Variants in SNX25 observed in about 807,000 individuals in gnomAD.
The protein encoded by SNX25 is sorting nexin 25.
In SNX25, 62 loss-of-function variants were observed where a neutral mutation model predicts 113.7. The ratio of observed to expected loss-of-function variants is 0.55; its 90% confidence interval spans 0.44 to 0.67. SNX25 has a LOEUF of 0.67. SNX25 is among the 30% of genes least tolerant of loss of function. The probability of loss-of-function intolerance (pLI) is 0.00; values close to 1 mark genes in which losing one functional copy is unlikely to be tolerated. For synonymous variants in SNX25, 421 were observed against 436.2 expected, an observed-to-expected ratio of 0.97 and a Z score of 0.43; for missense variants, 1,014 against 1,161.0, an observed-to-expected ratio of 0.87 and a Z score of 1.84.
chr4:185,358,093 C>G (rs975604843), intron 16 of SNX25, among the ~76,000 whole-genome samples: 1 of 152,184 alleles, frequency 6.6e-6, no homozygotes, highest in African/African-American at 2.4e-5. Flanking sequence ...GGTTCAGACT[C>G]TAAGCCAGAA....
rs138136210 is a variant in SNX25, at chr4:185,351,588, C to T, written c.2445C>T (p.Arg815=). The change falls in exon 14 of 19, where the codon CGC becomes CGT. Residue 815 remains arginine (R), a synonymous_variant. Transcript: ENST00000652585. ...SLSSFLERLP[R]DFFSHQEEET... ...CCTCATTTTTGGAAAGACTTCCTCG[C>T]GACTTCTTCTCCCACCAGGAGGTGA... 2,005 of 1,613,964 alleles carry T rather than the reference C, an allele frequency of 1.2e-3. 25 individuals are homozygous for T. The African/African-American group carries it at 0.023, about 19-fold the overall frequency.
chr4:185,251,237 C>T (rs561919111), intron 2 of SNX25, among the ~76,000 whole-genome samples: 8 of 152,230 alleles, frequency 5.3e-5, no homozygotes, highest in East Asian at 1.9e-4. Flanking sequence ...TCAAGTGATC[C>T]GCTTGCCTCG....
chr4:185,356,146 C>T (rs200743477), intron 15 of SNX25, among the ~76,000 whole-genome samples: 8 of 150,318 alleles, frequency 5.3e-5, no homozygotes, highest in Admixed American at 2.0e-4. Context: ...ATGGGGCTCG[C>T]GTGTGTGTGT....
At chr4:185,372,862 G>T, downstream of SNX25, 6 of 1,600,170 alleles carry the variant, frequency 3.7e-6, no homozygotes, top group Non-Finnish European at 5.1e-6. Context: ...TCACCTTTTG[G>T]AAAATGCAAC....
At chr4:185,272,074 G>A (rs2024641021) in intron 5 of SNX25, among the ~76,000 whole-genome samples, 1 of 152,212 alleles carries the variant, frequency 6.6e-6, no homozygotes, top group African/African-American at 2.4e-5. Context: ...AAGTGAAGAT[G>A]TGGTGGCTAT....
chr4:185,377,803 CTT>C, the SNX25 span: 1 of 303,190 alleles, frequency 3.3e-6, no homozygotes, highest in Non-Finnish European at 6.0e-6. Context: ...GCATTGTTCT[CTT>C]TAACAAACGT....
intron 13 of SNX25, among the ~76,000 whole-genome samples, chr4:185,347,857 C>G (rs945084824): frequency 2.6e-5 from 4 of 152,204 alleles, no homozygotes; most frequent in Admixed American, 2.0e-4. Flanking sequence ...ATCTGAGTTC[C>G]TTGTCAGATC....
chr4:185,342,257 T>C (rs1200714423), intron 12 of SNX25, 141 bp downstream of exon 12: 1 of 997,916 alleles, frequency 1.0e-6, no homozygotes, highest in Non-Finnish European at 1.4e-6. Context: ...ATTTGGAAAT[T>C]TACTCATAGA....
intron 5 of SNX25, among the ~76,000 whole-genome samples, chr4:185,269,715 G>C (rs1387308491): frequency 6.6e-6 from 1 of 152,120 alleles, no homozygotes. Context: ...AAACAGAAAG[G>C]CATCAGAGTT....
chr4:185,273,326 G>T (rs905058394), intron 5 of SNX25, among the ~76,000 whole-genome samples: 1 of 152,150 alleles, frequency 6.6e-6, no homozygotes, highest in African/African-American at 2.4e-5. Flanking sequence ...AGGCTGGAGC[G>T]CAGTGGTGCA....
intron 15 of SNX25, among the ~76,000 whole-genome samples, chr4:185,357,213 C>CTTTT (rs1561053010): frequency 6.6e-6 from 1 of 152,142 alleles, no homozygotes; most frequent in Non-Finnish European, 1.5e-5. Flanking sequence ...ATCTGCAAAC[C>CTTTT]GCTTCAAACA....
chr4:185,290,290 A>T (rs531246115), intron 6 of SNX25, among the ~76,000 whole-genome samples: 2 of 152,336 alleles, frequency 1.3e-5, no homozygotes, highest in East Asian at 3.9e-4. Flanking sequence ...AGACATTCTC[A>T]GTGACCCTTG....
At chr4:185,254,430 G>T (rs1746102862) in intron 2 of SNX25, among the ~76,000 whole-genome samples, 1 of 152,152 alleles carries the variant, frequency 6.6e-6, no homozygotes, top group Admixed American at 6.5e-5. Flanking sequence ...TCATGATCAT[G>T]GGGCTGTACC....
At chr4:185,352,620 C>T (rs1579903968) in intron 14 of SNX25, among the ~76,000 whole-genome samples, 1 of 152,200 alleles carries the variant, frequency 6.6e-6, no homozygotes, top group Admixed American at 6.5e-5. Flanking sequence ...CCAGTGGCTT[C>T]CTCTCAGTCT....
downstream of SNX25, among the ~76,000 whole-genome samples, chr4:185,368,608 T>C (rs537761954): frequency 1.9e-4 from 29 of 152,278 alleles, no homozygotes; most frequent in African/African-American, 6.5e-4. Context: ...TCCAGACCCT[T>C]CACTGGTTTA....
chr4:185,347,460 T>C (rs887248241), intron 13 of SNX25, among the ~76,000 whole-genome samples: 26 of 147,892 alleles, frequency 1.8e-4, no homozygotes, highest in African/African-American at 6.2e-4. Flanking sequence ...TTTGTTTTCT[T>C]TTGTTTTGTT....
chr4:185,229,084 AAAGACTAGC>A (rs1741435544), intron 1 of SNX25, among the ~76,000 whole-genome samples: 2 of 152,310 alleles, frequency 1.3e-5, no homozygotes, highest in South Asian at 4.1e-4. Flanking sequence ...GGAGGCCATG[AAAGACTAGC>A]AACGCCCGCG....
chr4:185,214,326 A>G (rs770979632), intron 1 of SNX25, among the ~76,000 whole-genome samples: 1 of 151,252 alleles, frequency 6.6e-6, no homozygotes, highest in Non-Finnish European at 1.5e-5. Flanking sequence ...GGAGACCAAA[A>G]TGGGAGGATT....
At chr4:185,227,692 G>T (rs1011954893) in intron 1 of SNX25, among the ~76,000 whole-genome samples, 1 of 152,122 alleles carries the variant, frequency 6.6e-6, no homozygotes, top group Non-Finnish European at 1.5e-5. Flanking sequence ...GGTTTGGGAC[G>T]GTGGGATTTA....
Sources: allele counts gnomAD v4.1 joint callset (sites outside exome capture counted in the v4.1 genomes callset), GRCh38; gene constraint gnomAD v4.1.1; transcripts MANE v1.5; gene names NCBI Gene and HGNC (gene_info 2026-07-23, HGNC 2026-07-21).